Variants in SYT17 observed in about 807,000 individuals in gnomAD.
The protein encoded by SYT17 is synaptotagmin 17, also known as synaptotagmin-17.
Under a neutral mutation model 46.7 loss-of-function variants are expected in SYT17, and 22 were observed. The observed-to-expected ratio is 0.47, with a 90% CI of 0.34 to 0.67. SYT17 has a LOEUF of 0.67. Ranked by LOEUF, SYT17 falls within the 30% of genes least tolerant of loss-of-function variation. SYT17 has a pLI of 0.01. For synonymous variants in SYT17, 251 were observed against 248.4 expected (o/e 1.01, Z -0.10); for missense variants, 519 against 612.8 (o/e 0.85, Z 1.62).
intron 1 of SYT17, chr16:19,170,738 A>T (rs1168834113): frequency 6.6e-6 from 1 of 152,154 alleles, no homozygotes; most frequent in Non-Finnish European, 1.5e-5. Context: ...TATTCAGAAA[A>T]TGGTCATAGA....
chr16:19,180,311 G>C, intron 3 of SYT17, 80 bp from the exon 4 acceptor site: 1 of 1,513,230 alleles, frequency 6.6e-7, no homozygotes, highest in Non-Finnish European at 9.1e-7. Flanking sequence ...GTTTCATCGT[G>C]GGTCTTAACC....
In SYT17 at chr16:19,180,529, G is replaced by C. The variant is rs773155541; in HGVS notation, c.321G>C (p.Arg107=). 2.5e-6 allele frequency: 4 copies of C among 1,614,164 alleles called. No homozygotes were observed. The highest frequency in any genetic ancestry group is 3.4e-6 in the Non-Finnish European group (4 of 1,180,028). The part of the protein sequence containing the change: ...DTSKSTYSLT[R]RISSLESRRP... ...CCAAGTCTACATACAGCCTGACGCGGAGGATTTCGAGTAAGTATCTCTGCT... is the reference window on the plus strand; with the variant it reads ...CCAAGTCTACATACAGCCTGACGCGCAGGATTTCGAGTAAGTATCTCTGCT... The change falls in exon 4 of 8, where the codon CGG becomes CGC. Residue 107 remains arginine, a synonymous_variant. Coordinates refer to ENST00000355377, the MANE Select transcript of SYT17 (RefSeq NM_016524.4).
At chr16:19,219,408 CAAAAAAAAAAAAAAAAAA>C (rs1245756343) in intron 5 of SYT17, among the ~76,000 whole-genome samples, 1 of 1,344 alleles carries the variant, frequency 7.4e-4, no homozygotes, top group Non-Finnish European at 1.2e-3. Flanking sequence ...GACTCCGTCT[CAAAAAAAAAAAAAAAAAA>C]AAAAAAAAAA....
intron 5 of SYT17, among the ~76,000 whole-genome samples, chr16:19,195,753 G>A (rs1965213703): frequency 6.6e-6 from 1 of 151,830 alleles, no homozygotes; most frequent in Non-Finnish European, 1.5e-5. Flanking sequence ...GGAGGCCAAG[G>A]CGGGGGGATT....
chr16:19,225,205 G>A (rs1966459366), intron 7 of SYT17, among the ~76,000 whole-genome samples: 1 of 152,106 alleles, frequency 6.6e-6, no homozygotes, highest in South Asian at 2.1e-4. Context: ...AATATACTTG[G>A]TACATAATAA....
chr16:19,186,821 T>C (rs1964808694), intron 5 of SYT17, among the ~76,000 whole-genome samples: 1 of 152,224 alleles, frequency 6.6e-6, no homozygotes, highest in South Asian at 2.1e-4. Flanking sequence ...TTCTCTGATC[T>C]GCTCATTTCT....
chr16:19,236,346 T>C (rs936373782), intron 7 of SYT17, among the ~76,000 whole-genome samples: 4 of 152,244 alleles, frequency 2.6e-5, no homozygotes, highest in Non-Finnish European at 4.4e-5. Context: ...ATATAAGTTA[T>C]GATCTATTTT....
intron 7 of SYT17, among the ~76,000 whole-genome samples, chr16:19,265,511 G>A (rs1969296024): frequency 2.0e-5 from 3 of 151,988 alleles, no homozygotes; most frequent in South Asian, 2.1e-4. Context: ...TTTGGAATTC[G>A]TGGTGTGAAA....
At chr16:19,191,821 T>C (rs976131515) in intron 5 of SYT17, among the ~76,000 whole-genome samples, 3 of 152,178 alleles carry the variant, frequency 2.0e-5, no homozygotes, top group Non-Finnish European at 4.4e-5. Flanking sequence ...TGTCTCACTT[T>C]GTCGCCAGAC....
At chr16:19,206,290 A>G (rs370629012) in intron 5 of SYT17, among the ~76,000 whole-genome samples, 6 of 152,212 alleles carry the variant, frequency 3.9e-5, no homozygotes, top group African/African-American at 1.4e-4. Context: ...AAACGGAAAC[A>G]TTTCAAGAAA....
chr16:19,180,629 T>C (rs1964513915), intron 4 of SYT17, 90 bp downstream of exon 4: 14 of 1,521,536 alleles, frequency 9.2e-6, no homozygotes, highest in Non-Finnish European at 1.3e-5. Context: ...GTGTTATTGC[T>C]GGGGGAGGGC....
intron 5 of SYT17, among the ~76,000 whole-genome samples, chr16:19,190,610 A>T (rs114688713): frequency 6.6e-6 from 1 of 152,132 alleles, no homozygotes; most frequent in African/African-American, 2.4e-5. Context: ...TCTACTTTCT[A>T]TGAATCTGAC....
chr16:19,220,262 G>A (rs897960238), intron 5 of SYT17, among the ~76,000 whole-genome samples: 13 of 148,400 alleles, frequency 8.8e-5, no homozygotes, highest in African/African-American at 2.2e-4. Flanking sequence ...GCTAGATGTT[G>A]GGTTAAAGAA....
intron 5 of SYT17, among the ~76,000 whole-genome samples, chr16:19,189,038 C>A (rs1238379231): frequency 6.6e-6 from 1 of 152,152 alleles, no homozygotes; most frequent in African/African-American, 2.4e-5. Flanking sequence ...AGGCGCCCAC[C>A]ACCACGCCCG....
intron 1 of SYT17, chr16:19,170,021 C>T (rs942845574): frequency 2.0e-5 from 3 of 152,164 alleles, no homozygotes; most frequent in Non-Finnish European, 4.4e-5. Context: ...CAAGAGGGGA[C>T]TGTGGTAGAT....
At chr16:19,224,948 C>T (rs1966451295) in intron 7 of SYT17, 110 bp downstream of exon 7, 1 of 1,251,054 alleles carries the variant, frequency 8.0e-7, no homozygotes, top group Non-Finnish European at 1.1e-6. Flanking sequence ...TAATGTCTGG[C>T]ATTCAACTAC....
intron 7 of SYT17, among the ~76,000 whole-genome samples, chr16:19,251,611 A>T (rs1353556551): frequency 6.6e-6 from 1 of 152,142 alleles, no homozygotes; most frequent in Non-Finnish European, 1.5e-5. Context: ...CAGTGACCAG[A>T]GACCTTAGGG....
Position 19,168,567 on chromosome 16 carries a change from C to A in SYT17, c.-80C>A. 4 of 1,538,016 alleles carry A rather than the reference C, an allele frequency of 2.6e-6. No homozygotes were observed. In the South Asian group the frequency reaches 4.8e-5, roughly 18 times the overall value. On this transcript the variant is annotated 5_prime_UTR_variant, in exon 1 of 8. Transcript: ENST00000355377. The surrounding 1 kb of genome is among the most constrained non-coding windows in gnomAD (Gnocchi z 6.9). ...TTTTCTTCCTTTCCCCCTTTGCTTT[C>A]TTCCCCCTCCGCTGTTGGCGAGGGC...
chr16:19,264,773 T>C (rs1242995013), intron 7 of SYT17, among the ~76,000 whole-genome samples: 5 of 151,984 alleles, frequency 3.3e-5, no homozygotes, highest in Non-Finnish European at 7.4e-5. Flanking sequence ...TTGTATTTTT[T>C]AGTAAAGGCA....
Sources: allele counts gnomAD v4.1 joint callset (sites outside exome capture counted in the v4.1 genomes callset), GRCh38; gene constraint gnomAD v4.1.1; non-coding constraint Gnocchi (gnomAD v3.1); transcripts MANE v1.5; gene names NCBI Gene and HGNC (gene_info 2026-07-23, HGNC 2026-07-21).